The following SLC22A15 variants were observed in gnomAD, a reference collection of about 807,000 sequenced individuals.
SLC22A15 encodes flipt 1.
A neutral mutation model predicts 62.7 loss-of-function variants in SLC22A15; 45 were observed. The observed-to-expected ratio is 0.72, with a 90% confidence interval of 0.56 to 0.92. SLC22A15 has a LOEUF of 0.92. Ranked by LOEUF, SLC22A15 falls within the 40% of genes least tolerant of loss-of-function variation. The probability of loss-of-function intolerance (pLI) is 0.00; values close to 1 mark genes in which losing one functional copy is unlikely to be tolerated. For synonymous variants in SLC22A15, 264 were observed against 267.0 expected (o/e 0.99, Z 0.11); for missense variants, 622 against 665.6 (o/e 0.93, Z 0.72).
intron 1 of SLC22A15, among the ~76,000 whole-genome samples, chr1:115,978,450 G>C (rs1485730230): frequency 1.3e-5 from 2 of 152,196 alleles, no homozygotes; most frequent in Non-Finnish European, 2.9e-5. Flanking sequence ...TTTATGGTCA[G>C]TATTTGCGGT....
intron 5 of SLC22A15, among the ~76,000 whole-genome samples, chr1:116,027,904 C>T (rs1195338652): frequency 2.6e-5 from 4 of 152,192 alleles, no homozygotes; most frequent in African/African-American, 9.6e-5. Context: ...GGATTACAGG[C>T]GTGAGCCACC....
chr1:116,066,881 T>A, intron 11 of SLC22A15, 138 bp from the exon 12 acceptor site: 1 of 930,500 alleles, frequency 1.1e-6, no homozygotes, highest in Non-Finnish European at 1.6e-6. Flanking sequence ...TTAGCTTTCC[T>A]AGAATATTTT....
At chr1:115,983,622 G>A (rs1654717565) in intron 1 of SLC22A15, among the ~76,000 whole-genome samples, 1 of 152,214 alleles carries the variant, frequency 6.6e-6, no homozygotes, top group Non-Finnish European at 1.5e-5. Flanking sequence ...GTCGAGAAGG[G>A]AAGATATGAT....
At chr1:116,066,997 C>T (rs937075954) in intron 11 of SLC22A15, 22 bp from the exon 12 acceptor site, 4 of 1,589,754 alleles carry the variant, frequency 2.5e-6, no homozygotes, top group Non-Finnish European at 3.4e-6. Flanking sequence ...TTTCACTGCC[C>T]TTTTCTTCTT....
chr1:115,994,596 G>T (rs977662679), intron 2 of SLC22A15, among the ~76,000 whole-genome samples: 1 of 152,124 alleles, frequency 6.6e-6, no homozygotes, highest in South Asian at 2.1e-4. Context: ...ATAGTACAAA[G>T]AATCCCCTTA....
intron 8 of SLC22A15, among the ~76,000 whole-genome samples, chr1:116,056,156 C>G (rs1322797634): frequency 1.3e-5 from 2 of 152,046 alleles, no homozygotes; most frequent in Non-Finnish European, 2.9e-5. Context: ...TCTAGAAAAT[C>G]CCATTGTCTC....
At chr1:116,053,051 G>A (rs1396139622) in intron 8 of SLC22A15, among the ~76,000 whole-genome samples, 1 of 152,216 alleles carries the variant, frequency 6.6e-6, no homozygotes, top group East Asian at 1.9e-4. Flanking sequence ...AACAAAGCTG[G>A]ACGGAGAATG....
chr1:115,984,256 T>C (rs1654749826), intron 1 of SLC22A15, among the ~76,000 whole-genome samples: 1 of 152,214 alleles, frequency 6.6e-6, no homozygotes, highest in African/African-American at 2.4e-5. Flanking sequence ...ATTGGGCTAT[T>C]GCTTTACCAA....
At chr1:115,993,404 C>T (rs945062267) in intron 2 of SLC22A15, among the ~76,000 whole-genome samples, 2 of 149,480 alleles carry the variant, frequency 1.3e-5, no homozygotes, top group Non-Finnish European at 3.0e-5. Flanking sequence ...GGAAGCCACT[C>T]TCCTGTGTGT....
At chr1:116,046,554 G>A (rs573281090) in intron 8 of SLC22A15, among the ~76,000 whole-genome samples, 2 of 152,304 alleles carry the variant, frequency 1.3e-5, no homozygotes, top group African/African-American at 4.8e-5. Flanking sequence ...GAAAGCAGGA[G>A]TAGATTGCTG....
chr1:116,066,468 CT>C (rs1206889799), intron 10 of SLC22A15, 51 bp from the exon 11 acceptor site: 5 of 1,483,780 alleles, frequency 3.4e-6, no homozygotes, highest in Non-Finnish European at 3.6e-6. Context: ...GTATTACATG[CT>C]AAGGAAACTA....
At chr1:116,057,590 A>G (rs1288826974) in intron 8 of SLC22A15, among the ~76,000 whole-genome samples, 1 of 152,244 alleles carries the variant, frequency 6.6e-6, no homozygotes, top group African/African-American at 2.4e-5. Context: ...TCATGCTGCT[A>G]TAAAGACACA....
intron 8 of SLC22A15, among the ~76,000 whole-genome samples, chr1:116,055,935 C>G (rs978824069): frequency 4.8e-5 from 7 of 146,612 alleles, no homozygotes; most frequent in African/African-American, 1.5e-4. Context: ...TATGACAAAC[C>G]CACAGGCAAT....
chr1:116,040,096 T>A (rs1393731194), intron 8 of SLC22A15, among the ~76,000 whole-genome samples: 2 of 152,162 alleles, frequency 1.3e-5, no homozygotes, highest in African/African-American at 4.8e-5. Flanking sequence ...GCACCTGTAT[T>A]TGATTGTGGT....
chr1:116,019,831 G>GAACT (rs1656729843), intron 3 of SLC22A15, 117 bp downstream of exon 3: 1 of 1,139,466 alleles, frequency 8.8e-7, no homozygotes, highest in Non-Finnish European at 1.2e-6. Flanking sequence ...TATGGACACA[G>GAACT]AACTGATCTT....
chr1:116,019,684 C>T lies in SLC22A15; in HGVS notation c.403C>T (p.Arg135Cys), dbSNP rs147916319. 1.9e-5 allele frequency: 31 copies of T among 1,613,450 alleles called. No homozygotes were observed. The highest frequency in any genetic ancestry group is 1.7e-4 in the Middle Eastern group (1 of 6,060). Reference sequence around the variant, plus strand: ...TATCTCTTTTGGTCAGCTTTCAGATCGCTTCGGAAGGAAAAAAGTCTATCT... The same window carrying T: ...TATCTCTTTTGGTCAGCTTTCAGATTGCTTCGGAAGGAAAAAAGTCTATCT... ...GVISFGQLSDRFGRKKVYLTG... is the reference protein window; with the variant it reads ...GVISFGQLSDCFGRKKVYLTG... The change falls in exon 3 of 12, where the codon CGC becomes TGC. Residue 135 changes from arginine (R) to cysteine (C), a missense_variant. Transcript: ENST00000369503.
intron 6 of SLC22A15, among the ~76,000 whole-genome samples, chr1:116,034,541 G>A (rs1369059870): frequency 6.6e-6 from 1 of 152,154 alleles, no homozygotes; most frequent in East Asian, 1.9e-4. Flanking sequence ...TTCCTCGGTT[G>A]TTCCTCCTAG....
At chr1:116,031,724 T>G (rs1657407984) in intron 6 of SLC22A15, 143 bp downstream of exon 6, 10 of 1,452,560 alleles carry the variant, frequency 6.9e-6, no homozygotes, top group African/African-American at 5.7e-5. Flanking sequence ...AGTCTCCTGA[T>G]CCTTAGCGCC....
chr1:116,042,328 C>T lies in SLC22A15; in HGVS notation c.1171+4940C>T, dbSNP rs150018023. On this transcript the variant is annotated intron_variant, in intron 8 of 11. Coordinates refer to ENST00000369503, the MANE Select transcript of SLC22A15 (RefSeq NM_018420.3). ...AGAGAGGCCAAAAGAAAGAAAAAGACACTTTCATCTAGAGATGAAACATAT... is the reference window on the plus strand; with the variant it reads ...AGAGAGGCCAAAAGAAAGAAAAAGATACTTTCATCTAGAGATGAAACATAT... Among the ~76,000 whole-genome samples the T allele has an allele frequency of 1.6e-3, 236 of 151,454 alleles. 1 individual carries two copies. Among genetic ancestry groups the T allele is most frequent in the African/African-American group, 5.5e-3 (226 of 41,290 alleles).
Sources: gnomAD v4.1 joint callset for allele counts (sites outside exome capture counted in the v4.1 genomes callset) on GRCh38, gnomAD v4.1.1 for gene constraint, MANE v1.5 for transcripts, NCBI Gene and HGNC (gene_info 2026-07-23, HGNC 2026-07-21) for gene names.